Variants in TSPAN4 observed in about 807,000 individuals in gnomAD.
TSPAN4 encodes the protein tetraspanin 4.
Under a neutral mutation model 31.5 loss-of-function variants are expected in TSPAN4, and 38 were observed. That is an observed-to-expected ratio of 1.21 (90% CI 0.93 to 1.58). The LOEUF is 1.58. Among genes scored for constraint, TSPAN4 ranks in the 40% most tolerant of loss-of-function variants. The pLI is 0.00. For missense variants in TSPAN4, 330 were observed against 317.3 expected, an observed-to-expected ratio of 1.04 and a Z score of -0.30; for synonymous variants, 186 against 144.6, an observed-to-expected ratio of 1.29 and a Z score of -2.06.
At chr11:855,714 C>T (rs1036678773) in intron 3 of TSPAN4, among the ~76,000 whole-genome samples, 2 of 152,206 alleles carry the variant, frequency 1.3e-5, no homozygotes, top group Admixed American at 1.3e-4. Context: ...CAAATCACAG[C>T]GAGCCACACA....
chr11:866,284 G>C (rs1848823553), intron 8 of TSPAN4, among the ~76,000 whole-genome samples: 1 of 152,140 alleles, frequency 6.6e-6, no homozygotes, highest in Non-Finnish European at 1.5e-5. Flanking sequence ...GGCAGCTGGG[G>C]CCCTGGTGCC....
chr11:850,322 C>A lies in TSPAN4; in HGVS notation c.18C>A (p.Leu6=), dbSNP rs1427674937. Residue 6 remains leucine (L), a synonymous_variant, in exon 3 of 9, where the codon CTC becomes CTA. Transcript: ENST00000397397. MARAC[L]QAVKYLMFAF... is the part of the protein sequence containing the mutation. ...GCTGCGGCATGGCGCGCGCCTGCCT[C>A]CAGGCCGTCAAGTACCTCATGTTCG... 1 of 1,608,470 alleles carries A rather than the reference C, an allele frequency of 6.2e-7. No homozygotes were observed. The highest frequency in any genetic ancestry group is 8.5e-7 in the Non-Finnish European group (1 of 1,179,218).
chr11:849,812 C>CGCGCGGGGTCGGGG (rs1288556530), intron 2 of TSPAN4: 1 of 139,510 alleles, frequency 7.2e-6, no homozygotes, highest in East Asian at 2.2e-4. Flanking sequence ...CGGGGCGGGG[C>CGCGCGGGGTCGGGG]GCGCGGGGTC....
intron 2 of TSPAN4, among the ~76,000 whole-genome samples, chr11:849,107 C>G (rs1297647047): frequency 6.6e-6 from 1 of 152,230 alleles, no homozygotes; most frequent in Non-Finnish European, 1.5e-5. Context: ...GCCCTTGAAG[C>G]CGGCCCCGCT....
chr11:866,752 C>T lies in TSPAN4; in HGVS notation c.*122C>T, dbSNP rs1259354395. 9.7e-7 allele frequency: 1 copy of T among 1,035,754 alleles called. No homozygotes were observed. The highest frequency in any genetic ancestry group is 1.4e-6 in the Non-Finnish European group (1 of 736,670). The allele number at this position is 1,035,754 out of a possible 1,614,324, so 64.2% of individuals were successfully genotyped here. A position where few individuals can be genotyped will look rare whatever the true frequency, so the allele number is the denominator to read the frequency against. Reference sequence around the variant, plus strand: ...CATGCTGGGAGGAGGGAGGGAGGGACAGGTGCCTGGAGCCCCCGGAACCCT... The same window carrying T: ...CATGCTGGGAGGAGGGAGGGAGGGATAGGTGCCTGGAGCCCCCGGAACCCT... On this transcript the variant is annotated 3_prime_UTR_variant, in exon 9 of 9. Transcript: ENST00000397397.
At chr11:860,555 GT>G (rs1237875085) in intron 3 of TSPAN4, among the ~76,000 whole-genome samples, 1 of 152,212 alleles carries the variant, frequency 6.6e-6, no homozygotes, top group Admixed American at 6.5e-5. Context: ...CCCTGCCAGG[GT>G]GGAGGCCCCA....
intron 4 of TSPAN4, chr11:864,083 G>A (rs1848629074): frequency 2.8e-6 from 1 of 356,200 alleles, no homozygotes; most frequent in African/African-American, 2.1e-5. Context: ...GAGGCCCCTG[G>A]ATGGAGGTGT....
At chr11:862,455 A>G (rs1371919693) in intron 3 of TSPAN4, 95 bp from the exon 4 acceptor site, 3 of 1,213,378 alleles carry the variant, frequency 2.5e-6, no homozygotes, top group Non-Finnish European at 3.4e-6. Context: ...GGCAGGCGGC[A>G]TGGCTTTGGG....
intron 2 of TSPAN4, among the ~76,000 whole-genome samples, chr11:849,661 G>C (rs913745943): frequency 6.6e-6 from 1 of 151,888 alleles, no homozygotes; most frequent in African/African-American, 2.4e-5. Context: ...CGCGGGCGAA[G>C]GGGCCGGGGT....
chr11:860,234 G>A (rs549247437), intron 3 of TSPAN4, among the ~76,000 whole-genome samples: 30 of 152,346 alleles, frequency 2.0e-4, no homozygotes, highest in African/African-American at 7.0e-4. Context: ...GCAGTGGGGG[G>A]AATCTGCTCT....
At chr11:846,907 C>A (rs1847353177) in intron 1 of TSPAN4, among the ~76,000 whole-genome samples, 1 of 152,208 alleles carries the variant, frequency 6.6e-6, no homozygotes, top group Non-Finnish European at 1.5e-5. Flanking sequence ...GTGTTCTCTG[C>A]ACACCGTGTC....
rs1278747060 is a variant in TSPAN4, at chr11:866,722, T to C, written c.*92T>C. On this transcript the variant is annotated 3_prime_UTR_variant, in exon 9 of 9. Transcript: ENST00000397397. ...TTTCCCACCACCAGCCTCGGTGCTCTGCCCCATGCTGGGAGGAGGGAGGGA... is the reference window on the plus strand; with the variant it reads ...TTTCCCACCACCAGCCTCGGTGCTCCGCCCCATGCTGGGAGGAGGGAGGGA... The C allele has an allele frequency of 1.6e-6, 2 of 1,259,056 alleles. No homozygotes were observed. The highest frequency in any genetic ancestry group is 2.2e-6 in the Non-Finnish European group (2 of 917,226). The allele number at this position is 1,259,056 out of a possible 1,614,324, so 78.0% of individuals were successfully genotyped here. A position where few individuals can be genotyped will look rare whatever the true frequency, so the allele number is the denominator to read the frequency against.
intron 3 of TSPAN4, among the ~76,000 whole-genome samples, chr11:853,437 T>C (rs1017899083): frequency 2.6e-5 from 4 of 151,910 alleles, no homozygotes; most frequent in African/African-American, 9.7e-5. Context: ...CCTGGGGGCC[T>C]ACCTGGGAGG....
chr11:851,606 G>C (rs187738581), intron 3 of TSPAN4, among the ~76,000 whole-genome samples: 1 of 152,140 alleles, frequency 6.6e-6, no homozygotes, highest in Non-Finnish European at 1.5e-5. Context: ...ACCTCCAGAA[G>C]GGGTCACCCA....
At chr11:865,149 T>C in intron 5 of TSPAN4, 1 of 227,624 alleles carries the variant, frequency 4.4e-6, no homozygotes, top group Non-Finnish European at 8.7e-6. Flanking sequence ...GGGTCCTCAC[T>C]GAATATTGGG....
At position 864,481 on chromosome 11, in the gene TSPAN4, C is replaced by T. The variant is rs377001084; in HGVS notation, c.300C>T (p.Ile100=). ...TGGTGTTCCTGCTGGAGGCCACCATCGCCATCCTCTTCTTCGCCTACACGG... is the reference window on the plus strand; with the variant it reads ...TGGTGTTCCTGCTGGAGGCCACCATTGCCATCCTCTTCTTCGCCTACACGG... ...LLLVFLLEAT[I]AILFFAYTDK... The change falls in exon 5 of 9, where the codon ATC becomes ATT. Residue 100 remains isoleucine, a synonymous_variant. Transcript: ENST00000397397. 7.9e-5 allele frequency: 127 copies of T among 1,612,852 alleles called. No homozygotes were observed. Among genetic ancestry groups the T allele is most frequent in the Admixed American group, 1.5e-4 (9 of 60,032 alleles).
intron 4 of TSPAN4, chr11:863,302 G>A (rs966891454): frequency 6.6e-6 from 1 of 152,318 alleles, no homozygotes; most frequent in African/African-American, 2.4e-5. Context: ...GGAAACACAG[G>A]CTTGCTACTG....
chr11:865,641 C>T (rs777097803), intron 6 of TSPAN4, 27 bp downstream of exon 6: 24 of 1,612,256 alleles, frequency 1.5e-5, no homozygotes, highest in East Asian at 4.5e-5. Context: ...TGGGCGGGGT[C>T]GGCGGGTGCC....
intron 4 of TSPAN4, chr11:863,683 T>C (rs1565146832): frequency 6.6e-6 from 1 of 152,408 alleles, no homozygotes; most frequent in Non-Finnish European, 1.5e-5. Context: ...GAACCCTGGG[T>C]ACCTCCTGGG....
Sources: gnomAD v4.1 joint callset for allele counts (sites outside exome capture counted in the v4.1 genomes callset) on GRCh38, gnomAD v4.1.1 for gene constraint, MANE v1.5 for transcripts, NCBI Gene and HGNC (gene_info 2026-07-23, HGNC 2026-07-21) for gene names.